The following ZNF132 variants were observed in gnomAD, a reference collection of about 807,000 sequenced individuals.
The protein encoded by ZNF132 is zinc finger protein 132, also known as zinc finger protein 132 (clone pHZ-12).
Under a neutral mutation model 9.3 loss-of-function variants are expected in ZNF132, and 6 were observed. The observed-to-expected ratio is 0.65, with a 90% confidence interval of 0.35 to 1.28. The LOEUF (loss-of-function observed/expected upper bound fraction) is 1.28. Among genes scored for constraint, ZNF132 ranks in the 50% most tolerant of loss-of-function variants. The pLI is 0.03. For missense variants in ZNF132, 877 were observed against 843.2 expected (o/e 1.04, Z -0.50); for synonymous variants, 296 against 292.0 (o/e 1.01, Z -0.14).
In ZNF132 at chr19:58,433,745, T is replaced by C; in HGVS notation, c.1699A>G (p.Lys567Glu). The C allele has an allele frequency of 6.2e-7, 1 of 1,613,832 alleles. No homozygotes were observed. Among genetic ancestry groups the C allele is most frequent in the South Asian group, 1.1e-5 (1 of 91,062 alleles). The part of the protein sequence containing the change: ...TLIEHWRVHT[K>E]ERPYECNECG... ...TCATTGCACTCATAAGGCCTTTCTT[T>C]TGTGTGAACTCTCCAGTGTTCAATG... Residue 567 changes from lysine to glutamate, a missense_variant, in exon 3 of 3, where the codon AAA (lysine) becomes GAA (glutamate). Physicochemically the swap from Lys to Glu is moderately conservative, Grantham distance 56 (BLOSUM62 1). Transcript: ENST00000254166.
intron 1 of ZNF132, among the ~76,000 whole-genome samples, chr19:58,438,346 A>G (rs2122306289): frequency 6.6e-6 from 1 of 152,290 alleles, no homozygotes; most frequent in African/African-American, 2.4e-5. Flanking sequence ...TTAGTGGTCT[A>G]CTTGGCACCT....
intron 1 of ZNF132, among the ~76,000 whole-genome samples, chr19:58,438,705 C>G (rs1160143129): frequency 6.6e-6 from 1 of 151,962 alleles, no homozygotes; most frequent in East Asian, 1.9e-4. Context: ...AATCTCCTGA[C>G]CTAGTGATCC....
At chr19:58,437,801 T>C in intron 1 of ZNF132, 1 of 985,424 alleles carries the variant, frequency 1.0e-6, no homozygotes, top group African/African-American at 1.7e-5. Context: ...CAAGAGGCAG[T>C]CATAGCCCCT....
chr19:58,434,236 T>A lies in ZNF132; in HGVS notation c.1208A>T (p.Tyr403Phe). The change falls in exon 3 of 3, where the codon TAT (tyrosine) becomes TTT (phenylalanine). Residue 403 changes from tyrosine (Y) to phenylalanine (F), a missense_variant. Coordinates refer to ENST00000254166, the MANE Select transcript of ZNF132 (RefSeq NM_003433.4). Reference protein sequence around the residue: ...HQKVHTQVRPYECSQCGKSFS... With the variant: ...HQKVHTQVRPFECSQCGKSFS... ...GGATTTACCACATTGACTGCACTCA[T>A]AAGGTCTTACCTGTGTGTGAACTTT... 6.2e-7 allele frequency: 1 copy of A among 1,613,830 alleles called. No homozygotes were observed. The highest frequency in any genetic ancestry group is 1.1e-5 in the South Asian group (1 of 91,058).
rs764452795 is a variant in ZNF132 at position 58,433,523 on chromosome 19, G to A, written c.1921C>T (p.His641Tyr). The A allele has an allele frequency of 1.9e-6, 3 of 1,613,882 alleles. No homozygotes were observed. Among genetic ancestry groups the A allele is most frequent in the Admixed American group, 3.3e-5 (2 of 59,996 alleles). ...TGAACTCTCTGATGACGAACCAGGT[G>A]GGAGTTACTGCTAAAGGCTCTCCCA... ...ECGRAFSSNS[H>Y]LVRHQRVHTQ... The change falls in exon 3 of 3, where the codon CAC (histidine) becomes TAC (tyrosine). Residue 641 changes from histidine (H) to tyrosine (Y), a missense_variant. His to Tyr is a moderately conservative substitution (Grantham distance 83). Coordinates refer to ENST00000254166, the MANE Select transcript of ZNF132 (RefSeq NM_003433.4).
At position 58,433,579 on chromosome 19, in the gene ZNF132, G is replaced by A; in HGVS notation, c.1865C>T (p.Thr622Ile). ...SSLICHWRVH[T>I]GERPYECSEC... ...ACTGCATTCGTAAGGCCTTTCTCCAGTGTGAACTCTCCAGTGACAAATAAG... is the reference window on the plus strand; with the variant it reads ...ACTGCATTCGTAAGGCCTTTCTCCAATGTGAACTCTCCAGTGACAAATAAG... Residue 622 changes from threonine (T) to isoleucine (I), a missense_variant, in exon 3 of 3, where the codon ACT (threonine) becomes ATT (isoleucine). Thr to Ile is a moderately conservative substitution (Grantham distance 89). Transcript: ENST00000254166. 1.2e-6 allele frequency: 2 copies of A among 1,614,216 alleles called. No individual in the cohort carries two copies. The highest frequency in any genetic ancestry group is 1.7e-6 in the Non-Finnish European group (2 of 1,180,042).
In ZNF132 at chr19:58,440,020, A is replaced by G. The variant is rs1239555455; in HGVS notation, c.-199T>C. 3 of 589,712 alleles carry G rather than the reference A, an allele frequency of 5.1e-6. No homozygotes were observed. Among genetic ancestry groups the G allele is most frequent in the Non-Finnish European group, 8.8e-6 (3 of 342,318 alleles). The allele number at this position is 589,712 out of a possible 1,614,324, so 36.5% of individuals were successfully genotyped here. A position where few individuals can be genotyped will look rare whatever the true frequency, so the allele number is the denominator to read the frequency against. ...TTTCGGGAACACCTTGGCTCATAAA[A>G]GCAGAGTAATTAGCCGGGCACTATG... On this transcript the variant is annotated 5_prime_UTR_variant, in exon 1 of 3. Coordinates refer to ENST00000254166, the MANE Select transcript of ZNF132 (RefSeq NM_003433.4).
Position 58,434,388 on chromosome 19 carries a change from A to G in ZNF132, c.1056T>C (p.Cys352=). 1.2e-6 allele frequency: 2 copies of G among 1,614,246 alleles called. No individual in the cohort carries two copies. The highest frequency in any genetic ancestry group is 1.7e-6 in the Non-Finnish European group (2 of 1,180,038). ...SGERPYECDE[C]GKAFSNRSHL... ...GTGATCTGTTACTGAAGGCTTTCCC[A>G]CATTCATCACACTCATAAGGTCTTT... Residue 352 remains cysteine (C), a synonymous_variant, in exon 3 of 3, where the codon TGT becomes TGC. Coordinates refer to ENST00000254166, the MANE Select transcript of ZNF132 (RefSeq NM_003433.4).
At position 58,435,183 on chromosome 19, in the gene ZNF132, C is replaced by T. The variant is rs1221071493; in HGVS notation, c.261G>A (p.Gly87=). 1.9e-6 allele frequency: 3 copies of T among 1,613,458 alleles called. No homozygotes were observed. The Admixed American group carries it at 5.0e-5, about 27-fold the overall frequency. Residue 87 remains glycine (G), a synonymous_variant, in exon 3 of 3, where the codon GGG becomes GGA. Coordinates refer to ENST00000254166, the MANE Select transcript of ZNF132 (RefSeq NM_003433.4). ...LGSWHGVEGE[G]AHPKQNVSVE... ...CAGAAACATTCTGCTTGGGATGGGC[C>T]CCCTCACCCTCTACTCCATGCCAAG...
chr19:58,437,604 A>G (rs903077321), intron 1 of ZNF132: 27 of 791,470 alleles, frequency 3.4e-5, no homozygotes, highest in Non-Finnish European at 2.1e-5. Flanking sequence ...CATGGGCCCA[A>G]TGGTTCACAT....
In ZNF132 at chr19:58,435,038, G is replaced by C. The variant is rs1351099113; in HGVS notation, c.406C>G (p.Gln136Glu). Residue 136 changes from glutamine to glutamate, a missense_variant, in exon 3 of 3, where the codon CAG becomes GAG. Physicochemically the swap from Gln to Glu is conservative, Grantham distance 29. Transcript: ENST00000254166. ...ILHLAEHQGT[Q>E]SEEKPYTCGA... ...CATGTGTAGGGTTTCTCCTCAGACT[G>C]TGTTCCCTGATGCTCAGCCAGGTGC... 6.2e-7 allele frequency: 1 copy of C among 1,614,140 alleles called. No individual in the cohort carries two copies. Among genetic ancestry groups the C allele is most frequent in the Admixed American group, 1.7e-5 (1 of 60,004 alleles).
In ZNF132 at chr19:58,433,805, C is replaced by G. The variant is rs377367439; in HGVS notation, c.1639G>C (p.Glu547Gln). 1.9e-6 allele frequency: 3 copies of G among 1,614,186 alleles called. No individual in the cohort carries two copies. The East Asian group carries it at 6.7e-5, about 36-fold the overall frequency. The change falls in exon 3 of 3, where the codon GAG (glutamate) becomes CAG (glutamine). Residue 547 changes from glutamate to glutamine, a missense_variant. Coordinates refer to ENST00000254166, the MANE Select transcript of ZNF132 (RefSeq NM_003433.4). Reference sequence around the variant, plus strand: ...CTGTGAGCAAAGGCTTTCCCACACTCACTACACTCGTAAGGCTTTTCTCCA... The same window carrying G: ...CTGTGAGCAAAGGCTTTCCCACACTGACTACACTCGTAAGGCTTTTCTCCA... Reference protein sequence around the residue: ...HTGEKPYECSECGKAFAHSST... With the variant: ...HTGEKPYECSQCGKAFAHSST...
At chr19:58,437,377 A>C (rs1367224086) in intron 1 of ZNF132, among the ~76,000 whole-genome samples, 162 bp from the exon 2 acceptor site, 1 of 152,024 alleles carries the variant, frequency 6.6e-6, no homozygotes, top group African/African-American at 2.4e-5. Context: ...CAGGGCCCCC[A>C]CCTAACATGC....
intron 1 of ZNF132, among the ~76,000 whole-genome samples, chr19:58,437,481 A>AT (rs774782664): frequency 6.6e-6 from 1 of 152,120 alleles, no homozygotes; most frequent in Non-Finnish European, 1.5e-5. Flanking sequence ...AGGTGGGCAG[A>AT]TGGATGCTTC....
chr19:58,439,799 A>C lies in ZNF132; in HGVS notation c.23T>G (p.Val8Gly). 1 of 1,545,634 alleles carries C rather than the reference A, an allele frequency of 6.5e-7. No individual in the cohort carries two copies. Residue 8 changes from valine (V) to glycine (G), a missense_variant, in exon 1 of 3, where the codon GTT (valine) becomes GGT (glycine). Val to Gly is a moderately radical substitution (Grantham distance 109). Coordinates refer to ENST00000254166, the MANE Select transcript of ZNF132 (RefSeq NM_003433.4). ...CAGCAACGCTGGCAACCCCATTAGAACCTGTGGGCTGGGCAGGGCCATAAC... is the reference window on the plus strand; with the variant it reads ...CAGCAACGCTGGCAACCCCATTAGACCCTGTGGGCTGGGCAGGGCCATAAC... MALPSPQ[V>G]LMGLPALLMG...
At position 58,434,440 on chromosome 19, in the gene ZNF132, A is replaced by G. The variant is rs2052760978; in HGVS notation, c.1004T>C (p.Val335Ala). The change falls in exon 3 of 3, where the codon GTT (valine) becomes GCT (alanine). Residue 335 changes from valine to alanine, a missense_variant. Physicochemically the swap from Val to Ala is moderately conservative, Grantham distance 64. Coordinates refer to ENST00000254166, the MANE Select transcript of ZNF132 (RefSeq NM_003433.4). ...GKTFNHKLTF[V>A]HHQRIHSGER... ...TCCTGAGTGAATTCTCTGATGATGA[A>G]CAAATGTGAGTTTGTGGTTGAAGGT... 1 of 1,614,132 alleles carries G rather than the reference A, an allele frequency of 6.2e-7. No individual in the cohort carries two copies. The highest frequency in any genetic ancestry group is 8.5e-7 in the Non-Finnish European group (1 of 1,180,060).
chr19:58,439,831 C>A lies in ZNF132; in HGVS notation c.-10G>T. 6.5e-7 allele frequency: 1 copy of A among 1,540,572 alleles called. No individual in the cohort carries two copies. The highest frequency in any genetic ancestry group is 1.2e-5 in the South Asian group (1 of 82,404). On this transcript the variant is annotated 5_prime_UTR_variant, in exon 1 of 3. Transcript: ENST00000254166. ...GGCTGGGCAGGGCCATAACAGGAGG[C>A]CCAGGGCTAGCCCTGCCGCTGGGCC...
In ZNF132 at chr19:58,435,089, A is replaced by C. The variant is rs781103074; in HGVS notation, c.355T>G (p.Cys119Gly). The C allele has an allele frequency of 6.2e-7, 1 of 1,614,060 alleles. No individual in the cohort carries two copies. Among genetic ancestry groups the C allele is most frequent in the Admixed American group, 1.7e-5 (1 of 60,010 alleles). ...AAAATGTCTTTCAAGAATGGCCCACACATGTCACAGGAGTTAGCTTTCTTG... is the reference window on the plus strand; with the variant it reads ...AAAATGTCTTTCAAGAATGGCCCACCCATGTCACAGGAGTTAGCTTTCTTG... ...STKKANSCDMCGPFLKDILHL... is the reference protein window; with the variant it reads ...STKKANSCDMGGPFLKDILHL... The change falls in exon 3 of 3, where the codon TGT becomes GGT. Residue 119 changes from cysteine (C) to glycine (G), a missense_variant. Transcript: ENST00000254166.
Position 58,434,849 on chromosome 19 carries a change from T to C in ZNF132, c.595A>G (p.Lys199Glu). The C allele has an allele frequency of 6.2e-7, 1 of 1,614,170 alleles. No individual in the cohort carries two copies. The highest frequency in any genetic ancestry group is 8.5e-7 in the Non-Finnish European group (1 of 1,180,008). The change falls in exon 3 of 3, where the codon AAG (lysine) becomes GAG (glutamate). Residue 199 changes from lysine to glutamate, a missense_variant. Coordinates refer to ENST00000254166, the MANE Select transcript of ZNF132 (RefSeq NM_003433.4). The stretch of plus-strand genomic sequence containing the variant: ...AGGTCACAGCTGCCCAGGATGACCT[T>C]CCCACCTTCCCTGCAAGTGAAGGGG... The part of the protein sequence containing the change: ...ENPFTCREGG[K>E]VILGSCDLLQ...
Sources: allele counts gnomAD v4.1 joint callset (sites outside exome capture counted in the v4.1 genomes callset), GRCh38; gene constraint gnomAD v4.1.1; transcripts MANE v1.5; gene names NCBI Gene and HGNC (gene_info 2026-07-23, HGNC 2026-07-21).